Variants in FUBP1 observed in about 807,000 individuals in gnomAD.
FUBP1 encodes the protein far upstream element binding protein 1, also known as far upstream element-binding protein 1.
Under a neutral mutation model 94.9 loss-of-function variants are expected in FUBP1, and 16 were observed. The observed-to-expected ratio is 0.17, with a 90% CI of 0.11 to 0.26. The LOEUF (loss-of-function observed/expected upper bound fraction) is 0.26, where lower values mean the gene tolerates loss of function less well. FUBP1 is among the 10% of genes least tolerant of loss of function. The pLI, the probability that FUBP1 is intolerant of heterozygous loss-of-function variation, is 1.00. For missense variants in FUBP1, 583 were observed against 808.6 expected (o/e 0.72, Z 3.38); for synonymous variants, 279 against 254.9 (o/e 1.09, Z -0.90).
intron 18 of FUBP1, among the ~76,000 whole-genome samples, chr1:77,952,261 T>A (rs181845216): frequency 0.027 from 4,137 of 151,282 alleles, 101 homozygotes; most frequent in South Asian, 0.12. Context: ...TAAAAAAAAA[T>A]AAAATAAAAA....
At chr1:77,961,879 C>A (rs1655542477) in intron 14 of FUBP1, among the ~76,000 whole-genome samples, 1 of 151,938 alleles carries the variant, frequency 6.6e-6, no homozygotes, top group African/African-American at 2.4e-5. Flanking sequence ...ACTATCCATA[C>A]AACAGAACTC....
At position 77,956,712 on chromosome 1, in the gene FUBP1, G is replaced by A. The variant is rs547494227; in HGVS notation, c.1577-12C>T. ...CGTTCCTGCCTTAGCTAAAATAAAT[G>A]AAAGTTCAAGGTTTGCATGTGAAGT... On this transcript the variant is annotated splice_polypyrimidine_tract_variant and intron_variant, in intron 16 of 19. Coordinates refer to ENST00000370768, the MANE Select transcript of FUBP1 (RefSeq NM_003902.5). 6.2e-7 allele frequency: 1 copy of A among 1,605,778 alleles called. No homozygotes were observed. The highest frequency in any genetic ancestry group is 1.3e-5 in the African/African-American group (1 of 74,706).
chr1:77,964,769 A>G, intron 9 of FUBP1, 22 bp from the exon 10 acceptor site: 1 of 1,559,878 alleles, frequency 6.4e-7, no homozygotes, highest in South Asian at 1.1e-5. Context: ...AAAGTTAGCT[A>G]ATTTAGAAAG....
intron 14 of FUBP1, chr1:77,960,887 T>G (rs1260899686): frequency 5.9e-6 from 1 of 170,864 alleles, no homozygotes; most frequent in South Asian, 1.4e-4. Flanking sequence ...TTGCCTAACA[T>G]GAGACAACCG....
At position 77,966,893 on chromosome 1, in the gene FUBP1, T is replaced by A. The variant is rs2102420957; in HGVS notation, c.406A>T (p.Ile136Leu). ...IQQESGCKIQ[I>L]APDSGGLPER... Reference sequence around the variant, plus strand: ...GAGAATGTAACATTACCAGGAGCTATCTGTATTTTGCATCCAGATTCCTGT... The same window carrying A: ...GAGAATGTAACATTACCAGGAGCTAACTGTATTTTGCATCCAGATTCCTGT... The change falls in exon 6 of 20, where the codon ATA (isoleucine) becomes TTA (leucine). Residue 136 changes from isoleucine (I) to leucine (L), a missense_variant. By Grantham distance (5) the Ile-to-Leu change is conservative. Transcript: ENST00000370768. 2 of 1,577,560 alleles carry A rather than the reference T, an allele frequency of 1.3e-6. No individual in the cohort carries two copies. The highest frequency in any genetic ancestry group is 2.2e-5 in the East Asian group (1 of 44,684).
chr1:77,963,758 T>C (rs1407556041), intron 12 of FUBP1, 43 bp from the exon 13 acceptor site: 5 of 1,517,342 alleles, frequency 3.3e-6, no homozygotes, highest in South Asian at 1.2e-5. Context: ...AGCACAGAAA[T>C]ACTTTTGTTT....
At chr1:77,962,686 C>T (rs1013587638) in intron 14 of FUBP1, 84 bp downstream of exon 14, 2 of 738,142 alleles carry the variant, frequency 2.7e-6, no homozygotes, top group Non-Finnish European at 4.4e-6. Flanking sequence ...GATACATTTT[C>T]CTTTGATGTA....
chr1:77,958,114 A>T (rs986756476), intron 16 of FUBP1, among the ~76,000 whole-genome samples: 1 of 152,156 alleles, frequency 6.6e-6, no homozygotes, highest in Non-Finnish European at 1.5e-5. Flanking sequence ...TTAATCAAGA[A>T]ATCTAGGTAT....
rs745329616 is a variant in FUBP1 at position 77,949,141 on chromosome 1, C to T, written c.1926+14G>A. Reference sequence around the variant, plus strand: ...ACTGGAGTAGAAATCAACAAATTAGCAATTACATTATACCTGAGGTGCTGG... The same window carrying T: ...ACTGGAGTAGAAATCAACAAATTAGTAATTACATTATACCTGAGGTGCTGG... On this transcript the variant is annotated intron_variant, in intron 19 of 19. Transcript: ENST00000370768. 1.2e-6 allele frequency: 2 copies of T among 1,605,746 alleles called. No individual in the cohort carries two copies. Among genetic ancestry groups the T allele is most frequent in the Non-Finnish European group, 1.7e-6 (2 of 1,173,882 alleles).
chr1:77,949,439 A>T (rs1026160308), intron 18 of FUBP1, 139 bp from the exon 19 acceptor site: 8 of 619,452 alleles, frequency 1.3e-5, no homozygotes, highest in African/African-American at 1.8e-5. Context: ...GTTGACCAAA[A>T]AAAAAAACCC....
chr1:77,945,392 A>C lies in FUBP1; in HGVS notation c.*3374T>G, dbSNP rs1651944014. 4.7e-6 allele frequency: 1 copy of C among 212,822 alleles called. No homozygotes were observed. The highest frequency in any genetic ancestry group is 2.3e-5 in the African/African-American group (1 of 44,228). The allele number at this position is 212,822 out of a possible 1,614,324, so 13.2% of individuals were successfully genotyped here. A position where few individuals can be genotyped will look rare whatever the true frequency, so the allele number is the denominator to read the frequency against. On this transcript the variant is annotated 3_prime_UTR_variant, in exon 20 of 20. Coordinates refer to ENST00000370768, the MANE Select transcript of FUBP1 (RefSeq NM_003902.5). ...AACAGTTCATGGAACATTTAAGATC[A>C]AGTGAATAGCACTTTAAAATGAAAA... is the stretch of plus-strand genomic sequence containing the variant.
rs1207200023 is a variant in FUBP1 at position 77,947,886 on chromosome 1, TAGAA to T, written c.*876_*879del. The T allele has an allele frequency of 1.0e-5, 11 of 1,077,074 alleles. No individual in the cohort carries two copies. Among genetic ancestry groups the T allele is most frequent in the African/African-American group, 1.6e-5 (1 of 60,800 alleles). 66.7% of individuals were successfully genotyped at this position (1,077,074 alleles called of 1,614,324 possible). ...ACTATTCACTTTTCTATCCTAAATTTAGAAAGAAACACACTAACATTATATACAT... is the reference window on the plus strand; with the variant it reads ...ACTATTCACTTTTCTATCCTAAATTTAGAAACACACTAACATTATATACAT... On this transcript the variant is annotated 3_prime_UTR_variant, in exon 20 of 20. Transcript: ENST00000370768.
At chr1:77,972,408 T>C (rs1298025243) in intron 1 of FUBP1, among the ~76,000 whole-genome samples, 1 of 152,086 alleles carries the variant, frequency 6.6e-6, no homozygotes, top group East Asian at 1.9e-4. Context: ...CACTTATTTA[T>C]ACAACTTTAC....
chr1:77,960,538 T>C (rs370935219), intron 14 of FUBP1, 43 bp from the exon 15 acceptor site: 96 of 1,496,454 alleles, frequency 6.4e-5, no homozygotes, highest in Non-Finnish European at 8.4e-5. Flanking sequence ...AAAAACACAG[T>C]AATGGTTAAA....
At chr1:77,977,347 CA>C (rs1658828596) in intron 1 of FUBP1, among the ~76,000 whole-genome samples, 1 of 151,722 alleles carries the variant, frequency 6.6e-6, no homozygotes, top group African/African-American at 2.4e-5. Context: ...CTACTGAAAA[CA>C]AACAAACAAA....
At chr1:77,949,932 C>T (rs1653064322) in intron 18 of FUBP1, among the ~76,000 whole-genome samples, 1 of 152,086 alleles carries the variant, frequency 6.6e-6, no homozygotes, top group South Asian at 2.1e-4. Context: ...AGTAACCTGA[C>T]AAGGAATAAA....
At chr1:77,959,969 A>G (rs561913860) in intron 16 of FUBP1, among the ~76,000 whole-genome samples, 2 of 152,360 alleles carry the variant, frequency 1.3e-5, no homozygotes, top group South Asian at 2.1e-4. Context: ...GTATCAACTC[A>G]TAAGCCAAAG....
chr1:77,970,875 T>C (rs538195715), intron 1 of FUBP1, among the ~76,000 whole-genome samples: 19 of 152,148 alleles, frequency 1.2e-4, no homozygotes, highest in Non-Finnish European at 2.5e-4. Flanking sequence ...TGAAACTCCA[T>C]CTCTACTAAA....
In FUBP1 at chr1:77,944,934, TA is replaced by T. The variant is rs921093544; in HGVS notation, c.*3831del. 4.0e-5 allele frequency among the ~76,000 whole-genome samples: 6 copies of T among 151,718 alleles called. No individual in the cohort carries two copies. The highest frequency in any genetic ancestry group is 1.5e-4 in the African/African-American group (6 of 41,366). ...TAAGTATCACCACACTAAGCTGTCT[TA>T]AAAAAAACTAAAAACATTGTCAAAT... On this transcript the variant is annotated 3_prime_UTR_variant, in exon 20 of 20. Transcript: ENST00000370768.
Sources: gnomAD v4.1 joint callset for allele counts (sites outside exome capture counted in the v4.1 genomes callset) on GRCh38, gnomAD v4.1.1 for gene constraint, MANE v1.5 for transcripts, NCBI Gene and HGNC (gene_info 2026-07-23, HGNC 2026-07-21) for gene names.